Variants in CNTNAP2 observed in about 807,000 individuals in gnomAD.
CNTNAP2 encodes contactin associated protein 2, also known as contactin-associated protein-like 2.
A neutral mutation model predicts 155.2 loss-of-function variants in CNTNAP2; 98 were observed. The observed-to-expected ratio is 0.63, with a 90% confidence interval of 0.54 to 0.75. The LOEUF (loss-of-function observed/expected upper bound fraction) is 0.75. CNTNAP2 is among the 30% of genes least tolerant of loss of function. CNTNAP2 has a pLI of 0.00. For synonymous variants in CNTNAP2, 651 were observed against 631.2 expected (o/e 1.03, Z -0.47); for missense variants, 1,727 against 1,688.1 (o/e 1.02, Z -0.40).
chr7:146,875,714 A>C (rs2129208127), intron 3 of CNTNAP2, among the ~76,000 whole-genome samples: 1 of 151,834 alleles, frequency 6.6e-6, no homozygotes, highest in East Asian at 2.0e-4. Context: ...GTGGCCTAAA[A>C]CCCAGGTCCT....
chr7:147,834,932 A>G (rs1422974971), intron 13 of CNTNAP2, among the ~76,000 whole-genome samples: 1 of 152,144 alleles, frequency 6.6e-6, no homozygotes, highest in Non-Finnish European at 1.5e-5. Flanking sequence ...TTATAATTCA[A>G]CTGAATCAGA....
intron 3 of CNTNAP2, among the ~76,000 whole-genome samples, chr7:146,869,227 T>C (rs1178260978): frequency 1.3e-5 from 2 of 152,160 alleles, no homozygotes; most frequent in African/African-American, 4.8e-5. Flanking sequence ...TAACATGAAG[T>C]GGTGTTAAAT....
chr7:146,958,407 G>GTTTTTTT (rs71165054), intron 3 of CNTNAP2, among the ~76,000 whole-genome samples: 29 of 78,046 alleles, frequency 3.7e-4, no homozygotes, highest in Admixed American at 7.0e-4. Context: ...CATTTTTATG[G>GTTTTTTT]TTTTTTTTTT....
intron 13 of CNTNAP2, among the ~76,000 whole-genome samples, chr7:147,667,840 T>C (rs112441834): frequency 0.083 from 12,368 of 148,792 alleles, 1,005 homozygotes; most frequent in Admixed American, 0.19. Context: ...AAATAAAAGA[T>C]ACCAATGCAA....
intron 3 of CNTNAP2, among the ~76,000 whole-genome samples, chr7:146,878,592 T>C (rs1335809225): frequency 6.6e-6 from 1 of 152,156 alleles, no homozygotes; most frequent in Non-Finnish European, 1.5e-5. Flanking sequence ...CTAGTTTAAC[T>C]TCACTCTCTG....
At chr7:146,491,003 CTTT>C (rs758663560) in intron 1 of CNTNAP2, among the ~76,000 whole-genome samples, 12 of 151,862 alleles carry the variant, frequency 7.9e-5, no homozygotes, top group Non-Finnish European at 1.8e-4. Context: ...TATAAATATG[CTTT>C]TTATTTCTCT....
intron 8 of CNTNAP2, among the ~76,000 whole-genome samples, chr7:147,197,545 C>T (rs1188017022): frequency 1.3e-5 from 2 of 151,882 alleles, no homozygotes; most frequent in East Asian, 3.9e-4. Context: ...ATCTCTCTTG[C>T]CGGAAAAAAG....
At chr7:146,575,064 C>A (rs955702316) in intron 1 of CNTNAP2, among the ~76,000 whole-genome samples, 4 of 152,152 alleles carry the variant, frequency 2.6e-5, no homozygotes, top group East Asian at 1.9e-4. Flanking sequence ...AAAGTTAGAA[C>A]CCCAAAAGCC....
At chr7:146,341,871 G>A (rs976511273) in intron 1 of CNTNAP2, among the ~76,000 whole-genome samples, 3 of 152,098 alleles carry the variant, frequency 2.0e-5, no homozygotes, top group Non-Finnish European at 4.4e-5. Context: ...ATCTTTTGGG[G>A]TAGGTTTGGC....
At chr7:146,242,465 G>C (rs572358180) in intron 1 of CNTNAP2, among the ~76,000 whole-genome samples, 10 of 151,998 alleles carry the variant, frequency 6.6e-5, no homozygotes, top group African/African-American at 2.4e-4. Flanking sequence ...CTTGAACCCA[G>C]GAGGCAGAGG....
chr7:146,870,151 A>G (rs1053156679), intron 3 of CNTNAP2, among the ~76,000 whole-genome samples: 11 of 151,688 alleles, frequency 7.3e-5, no homozygotes, highest in African/African-American at 2.7e-4. Flanking sequence ...TTTCTGTGGA[A>G]TGGTACCGGC....
chr7:147,616,882 T>C (rs1003677925), intron 12 of CNTNAP2, among the ~76,000 whole-genome samples: 11 of 152,166 alleles, frequency 7.2e-5, no homozygotes, highest in Non-Finnish European at 1.6e-4. Flanking sequence ...TTTCAATAAA[T>C]GCATATTGAA....
chr7:146,530,723 A>G (rs1797757799), intron 1 of CNTNAP2, among the ~76,000 whole-genome samples: 2 of 152,196 alleles, frequency 1.3e-5, no homozygotes, highest in Admixed American at 6.5e-5. Context: ...TCAAAAAATA[A>G]CAGATGCTGG....
intron 1 of CNTNAP2, among the ~76,000 whole-genome samples, chr7:146,577,086 A>T (rs1798536548): frequency 6.6e-6 from 1 of 152,260 alleles, no homozygotes; most frequent in African/African-American, 2.4e-5. Flanking sequence ...GCTGAATTAG[A>T]TTAGCCTAAT....
chr7:147,937,486 A>G (rs1204352183), intron 14 of CNTNAP2, among the ~76,000 whole-genome samples: 4 of 152,094 alleles, frequency 2.6e-5, no homozygotes, highest in South Asian at 4.2e-4. Context: ...GTGCATGTCT[A>G]CTAAGGATAC....
intron 1 of CNTNAP2, among the ~76,000 whole-genome samples, chr7:146,337,138 C>G (rs1167257632): frequency 1.3e-5 from 2 of 152,054 alleles, no homozygotes; most frequent in Non-Finnish European, 2.9e-5. Flanking sequence ...CCAGGACCCC[C>G]CTGTCTTTGC....
At chr7:146,610,128 A>C (rs1008464510) in intron 1 of CNTNAP2, among the ~76,000 whole-genome samples, 10 of 152,230 alleles carry the variant, frequency 6.6e-5, no homozygotes, top group Non-Finnish European at 1.2e-4. Context: ...AGAAAGCTTG[A>C]GAATCACCGA....
At chr7:146,251,785 A>G (rs1006411803) in intron 1 of CNTNAP2, among the ~76,000 whole-genome samples, 1 of 152,220 alleles carries the variant, frequency 6.6e-6, no homozygotes, top group Admixed American at 6.5e-5. Flanking sequence ...ACTTAACGTC[A>G]TACATTTTCA....
Position 146,522,606 on chromosome 7 carries a change from A to G in CNTNAP2, c.98-251665A>G, listed in dbSNP as rs1460813159. 2.0e-5 allele frequency among the ~76,000 whole-genome samples: 3 copies of G among 152,030 alleles called. No homozygotes were observed. In the East Asian group the frequency reaches 5.8e-4, roughly 29 times the overall value. ...TGAGGTAAAGGCCATGATGATTTTC[A>G]TATTACCCACAATTAAAGTTTGAAA... On this transcript the variant is annotated intron_variant, in intron 1 of 23. Transcript: ENST00000361727.
Sources: gnomAD v4.1 joint callset for allele counts (sites outside exome capture counted in the v4.1 genomes callset) on GRCh38, gnomAD v4.1.1 for gene constraint, MANE v1.5 for transcripts, NCBI Gene and HGNC (gene_info 2026-07-23, HGNC 2026-07-21) for gene names.